The following COQ8A variants were observed in gnomAD, a reference collection of about 807,000 sequenced individuals.
COQ8A encodes the protein coenzyme Q8A.
A neutral mutation model predicts 65.0 loss-of-function variants in COQ8A; 51 were observed. The observed-to-expected ratio is 0.78, with a 90% CI of 0.63 to 0.99. The LOEUF is 0.99. Ranked by LOEUF, COQ8A falls within the 50% of genes least tolerant of loss-of-function variation. COQ8A has a pLI of 0.00. For missense variants in COQ8A, 940 were observed against 875.0 expected (o/e 1.07, Z -0.94); for synonymous variants, 371 against 353.2 (o/e 1.05, Z -0.57).
rs1558196246 is a variant in COQ8A, at chr1:226,972,867, A to G, written c.656-4582A>G. Among the ~76,000 whole-genome samples, 1 of 152,270 alleles carries G rather than the reference A, an allele frequency of 6.6e-6. No individual in the cohort carries two copies. Among genetic ancestry groups the G allele is most frequent in the Non-Finnish European group, 1.5e-5 (1 of 68,050 alleles). On this transcript the variant is annotated intron_variant, in intron 4 of 14. Transcript: ENST00000366777. The surrounding 1 kb of genome is among the most constrained non-coding windows in gnomAD (Gnocchi z 4.3). ...AAGGACATTTTAACAGTGCAAAAGT[A>G]TAAAGTACGTGCTTTAAGACAGAGG...
intron 2 of COQ8A, among the ~76,000 whole-genome samples, chr1:226,962,456 G>GCA (rs1202172249): frequency 6.6e-6 from 1 of 152,224 alleles, no homozygotes; most frequent in Non-Finnish European, 1.5e-5. Context: ...TTGCACAGTT[G>GCA]CCAGCAGCTT....
chr1:226,983,245 G>C lies in COQ8A; in HGVS notation c.1080+211G>C, dbSNP rs934999967. 13 of 829,128 alleles carry C rather than the reference G, an allele frequency of 1.6e-5. No homozygotes were observed. The African/African-American group carries it at 2.1e-4, about 13-fold the overall frequency. The allele number at this position is 829,128 out of a possible 1,614,324, so 51.4% of individuals were successfully genotyped here. ...TGAGTGACTTTGGGGGCACAGAGGG[G>C]CCCCCAGCAAGCTTGATTTGGGGTG... On this transcript the variant is annotated intron_variant, in intron 8 of 14. Transcript: ENST00000366777.
rs773831130 is a variant in COQ8A at position 226,978,540 on chromosome 1, T to C, written c.730+1017T>C. Among the ~76,000 whole-genome samples, 6 of 82,616 alleles carry C rather than the reference T, an allele frequency of 7.3e-5. 1 individual carries two copies. The highest frequency in any genetic ancestry group is 6.3e-5 in the Non-Finnish European group (2 of 31,778). 54.2% of individuals were successfully genotyped at this position (82,616 alleles called of 152,430 possible). On this transcript the variant is annotated intron_variant, in intron 5 of 14. Coordinates refer to ENST00000366777, the MANE Select transcript of COQ8A (RefSeq NM_020247.5). ...AACACCCACTGAACACTGCACCTCC[T>C]TACCCTCCACACACCCCCCACAGCC...
chr1:226,951,625 C>G (rs1191760060), intron 1 of COQ8A, among the ~76,000 whole-genome samples: 1 of 152,228 alleles, frequency 6.6e-6, no homozygotes, highest in African/African-American at 2.4e-5. Flanking sequence ...TTGGGGTGTT[C>G]TCATTCAACT....
intron 1 of COQ8A, among the ~76,000 whole-genome samples, chr1:226,943,173 T>C (rs1396584312): frequency 6.6e-6 from 1 of 152,240 alleles, no homozygotes; most frequent in East Asian, 1.9e-4. Context: ...TAAAGAAGGC[T>C]ATTATTGGGA....
In COQ8A at chr1:226,986,757, G is replaced by A; in HGVS notation, c.*20G>A. 2 of 1,608,254 alleles carry A rather than the reference G, an allele frequency of 1.2e-6. No individual in the cohort carries two copies. Among genetic ancestry groups the A allele is most frequent in the South Asian group, 1.1e-5 (1 of 90,798 alleles). On this transcript the variant is annotated 3_prime_UTR_variant, in exon 15 of 15. Coordinates refer to ENST00000366777, the MANE Select transcript of COQ8A (RefSeq NM_020247.5). ...CAGTAGGGCTGCGGGCCACGCCCAG[G>A]CCGGCTCCGCGGGAACTCTCTCCCT...
chr1:226,957,353 T>G, intron 1 of COQ8A, among the ~76,000 whole-genome samples: 1 of 145,032 alleles, frequency 6.9e-6, no homozygotes, highest in Admixed American at 7.1e-5. Context: ...TGCTTCTAGC[T>G]TCTTATACCA....
At chr1:226,970,292 G>A (rs952890443) in intron 4 of COQ8A, among the ~76,000 whole-genome samples, 8 of 152,204 alleles carry the variant, frequency 5.3e-5, no homozygotes, top group Non-Finnish European at 1.0e-4. Flanking sequence ...CGAGAAATGT[G>A]TCGTTAGGCA....
chr1:226,954,965 G>A (rs1436446563), intron 1 of COQ8A, among the ~76,000 whole-genome samples: 2 of 152,144 alleles, frequency 1.3e-5, no homozygotes, highest in African/African-American at 2.4e-5. Context: ...GCTGAGATCC[G>A]GGAGGAGGAG....
chr1:226,961,882 G>A (rs1444891490), intron 2 of COQ8A, among the ~76,000 whole-genome samples: 3 of 152,150 alleles, frequency 2.0e-5, no homozygotes, highest in African/African-American at 7.2e-5. Context: ...ATCCATAGAT[G>A]GCCATCTTCT....
At chr1:226,951,401 C>T (rs953179332) in intron 1 of COQ8A, among the ~76,000 whole-genome samples, 1 of 152,180 alleles carries the variant, frequency 6.6e-6, no homozygotes, top group Non-Finnish European at 1.5e-5. Context: ...TGGCATTGGA[C>T]AACCCCTCCC....
rs1003271148 is a variant in COQ8A at position 226,949,190 on chromosome 1, G to A, written c.-10+8791G>A. The stretch of plus-strand genomic sequence containing the variant: ...TGGAGTGCGCTCACATGGCTCGCGC[G>A]TAGCTGGAGGCTGGAAAGGAGGCCG... On this transcript the variant is annotated intron_variant, in intron 1 of 14. Coordinates refer to ENST00000366777, the MANE Select transcript of COQ8A (RefSeq NM_020247.5). This position sits in a 1 kb window ranked among gnomAD's most constrained non-coding sequence, Gnocchi z 4.0. 1.3e-5 allele frequency among the ~76,000 whole-genome samples: 2 copies of A among 151,884 alleles called. No homozygotes were observed. Among genetic ancestry groups the A allele is most frequent in the Admixed American group, 6.6e-5 (1 of 15,238 alleles).
intron 7 of COQ8A, 24 bp from the exon 8 acceptor site, chr1:226,982,870 C>G: frequency 6.2e-7 from 1 of 1,612,696 alleles, no homozygotes; most frequent in Non-Finnish European, 8.5e-7. Flanking sequence ...ATGCTCAGAG[C>G]CCCTCCCTGG....
At position 226,961,405 on chromosome 1, in the gene COQ8A, A is replaced by G. The variant is rs771781610; in HGVS notation, c.20A>G (p.Asp7Gly). The G allele has an allele frequency of 5.0e-6, 8 of 1,613,634 alleles. No individual in the cohort carries two copies. The highest frequency in any genetic ancestry group is 6.8e-6 in the Non-Finnish European group (8 of 1,180,040). Residue 7 changes from aspartate (D) to glycine (G), a missense_variant, in exon 2 of 15, where the codon GAC (aspartate) becomes GGC (glycine). Physicochemically the swap from Asp to Gly is moderately conservative, Grantham distance 94 (BLOSUM62 -1). Coordinates refer to ENST00000366777, the MANE Select transcript of COQ8A (RefSeq NM_020247.5). ...TGAAGGATGGCTGCCATATTGGGAG[A>G]CACCATCATGGTGGCTAAAGGCCTT... is the stretch of plus-strand genomic sequence containing the variant. MAAILG[D>G]TIMVAKGLVK...
Position 226,984,580 on chromosome 1 carries a change from G to A in COQ8A, c.1431G>A (p.Arg477=). 3.1e-6 allele frequency: 5 copies of A among 1,614,116 alleles called. No homozygotes were observed. The highest frequency in any genetic ancestry group is 4.2e-6 in the Non-Finnish European group (5 of 1,179,972). Residue 477 remains arginine, a synonymous_variant, in exon 12 of 15, where the codon AGG becomes AGA. Transcript: ENST00000366777. ...ACAACATCCTGGTTCTGTGCCTGAG[G>A]GAGCTGTTCGAGTTCCACTTCATGC... ...ICYNILVLCL[R]ELFEFHFMQT...
At chr1:226,967,432 G>A (rs1355667794) in intron 4 of COQ8A, among the ~76,000 whole-genome samples, 3 of 152,104 alleles carry the variant, frequency 2.0e-5, no homozygotes, top group East Asian at 1.9e-4. Flanking sequence ...TCCTCACTTC[G>A]GAGTCTTTGT....
intron 4 of COQ8A, among the ~76,000 whole-genome samples, chr1:226,973,409 A>C (rs1301498203): frequency 6.6e-6 from 1 of 152,132 alleles, no homozygotes; most frequent in Non-Finnish European, 1.5e-5. Flanking sequence ...CATATGGCCC[A>C]GGGCCATATG....
At position 226,946,347 on chromosome 1, in the gene COQ8A, C is replaced by T. The variant is rs925417535; in HGVS notation, c.-10+5948C>T. Among the ~76,000 whole-genome samples the T allele has an allele frequency of 6.6e-6, 1 of 152,154 alleles. No individual in the cohort carries two copies. The highest frequency in any genetic ancestry group is 1.5e-5 in the Non-Finnish European group (1 of 68,028). ...AGATTCCAGCAGGGGAAATGATATT[C>T]CATGGGGAGGAGGGAGCAGGATGTG... On this transcript the variant is annotated intron_variant, in intron 1 of 14. Transcript: ENST00000366777. This position sits in a 1 kb window ranked among gnomAD's most constrained non-coding sequence, Gnocchi z 5.3.
intron 5 of COQ8A, among the ~76,000 whole-genome samples, chr1:226,979,777 G>A (rs753620943): frequency 2.4e-4 from 36 of 152,340 alleles, no homozygotes; most frequent in Admixed American, 4.6e-4. Context: ...CGGCATGCAC[G>A]TCCTTGGAAG....
Sources: allele counts gnomAD v4.1 joint callset (sites outside exome capture counted in the v4.1 genomes callset), GRCh38; gene constraint gnomAD v4.1.1; non-coding constraint Gnocchi (gnomAD v3.1); transcripts MANE v1.5; gene names NCBI Gene and HGNC (gene_info 2026-07-23, HGNC 2026-07-21).